Variants in LAMA1 observed in about 807,000 individuals in gnomAD.
The protein encoded by LAMA1 is laminin subunit alpha 1, also known as laminin subunit alpha-1.
Under a neutral mutation model 348.7 loss-of-function variants are expected in LAMA1, and 219 were observed. That is an observed-to-expected ratio of 0.63 (90% CI 0.56 to 0.70). The LOEUF (loss-of-function observed/expected upper bound fraction) is 0.70. LAMA1 is among the 30% of genes least tolerant of loss of function. LAMA1 has a pLI of 0.00. For synonymous variants in LAMA1, 1,487 were observed against 1,491.0 expected (o/e 1.00, Z 0.06); for missense variants, 3,744 against 3,888.0 (o/e 0.96, Z 0.99).
intron 35 of LAMA1, 150 bp downstream of exon 35, chr18:6,993,491 G>C: frequency 1.4e-6 from 1 of 702,718 alleles, no homozygotes; most frequent in Non-Finnish European, 2.6e-6. Context: ...ACTAAAGTTT[G>C]CACATCTCAG....
chr18:6,948,291 T>G, intron 60 of LAMA1, 112 bp downstream of exon 60: 1 of 1,391,950 alleles, frequency 7.2e-7, no homozygotes, highest in Non-Finnish European at 1.0e-6. Flanking sequence ...AAACTCAATG[T>G]GGTTTTCCTG....
At chr18:7,064,998 G>C (rs1361189737) in intron 3 of LAMA1, among the ~76,000 whole-genome samples, 1 of 152,072 alleles carries the variant, frequency 6.6e-6, no homozygotes, top group African/African-American at 2.4e-5. Context: ...CACTTTGGGA[G>C]GGGGGCAGGT....
intron 12 of LAMA1, among the ~76,000 whole-genome samples, chr18:7,037,260 GA>G (rs2057999339): frequency 1.3e-5 from 2 of 152,134 alleles, no homozygotes; most frequent in African/African-American, 4.8e-5. Flanking sequence ...AACAAAGCGG[GA>G]ATGTGAGGAA....
At chr18:6,952,979 C>A (rs1162167145) in intron 57 of LAMA1, among the ~76,000 whole-genome samples, 5 of 117,104 alleles carry the variant, frequency 4.3e-5, no homozygotes. Flanking sequence ...CTGTGTCCGG[C>A]GGATCCACGC....
rs771669690 is a variant in LAMA1 at position 6,992,544 on chromosome 18, A to G, written c.5168+17T>C. The G allele has an allele frequency of 2.5e-6, 4 of 1,613,846 alleles. No homozygotes were observed. The highest frequency in any genetic ancestry group is 3.4e-6 in the Non-Finnish European group (4 of 1,179,706). ...CTCTCTACTTGGTTGCATTGCACAC[A>G]GTAATTAGAAACTTACTTGAGTTCA... On this transcript the variant is annotated intron_variant, in intron 36 of 62. Coordinates refer to ENST00000389658, the MANE Select transcript of LAMA1 (RefSeq NM_005559.4).
At chr18:6,954,378 G>C (rs1332433018) in intron 57 of LAMA1, 1 of 152,518 alleles carries the variant, frequency 6.6e-6, no homozygotes, top group African/African-American at 2.4e-5. Flanking sequence ...CTATCTGGGG[G>C]ATGAATTGTG....
chr18:7,094,260 T>C (rs1348201679), intron 1 of LAMA1, among the ~76,000 whole-genome samples: 1 of 151,262 alleles, frequency 6.6e-6, no homozygotes, highest in Non-Finnish European at 1.5e-5. Context: ...CTGTCTCTAT[T>C]AAAAATACAA....
Position 6,978,444 on chromosome 18 carries a change from C to CA in LAMA1, c.6008-67dup, listed in dbSNP as rs1318333517. 2.2e-6 allele frequency: 3 copies of CA among 1,383,148 alleles called. No individual in the cohort carries two copies. In the African/African-American group the frequency reaches 4.3e-5, roughly 20 times the overall value. The allele number at this position is 1,383,148 out of a possible 1,614,324, so 85.7% of individuals were successfully genotyped here. A position where few individuals can be genotyped will look rare whatever the true frequency, so the allele number is the denominator to read the frequency against. On this transcript the variant is annotated intron_variant, in intron 42 of 62. Transcript: ENST00000389658. ...ACACACAGAGAAAAGAATAAAACGA[C>CA]AACAAATGTAATTTCGCACAGAAAT...
At chr18:6,955,713 A>AGG (rs2057573365) in intron 56 of LAMA1, 2 of 589,836 alleles carry the variant, frequency 3.4e-6, no homozygotes, top group African/African-American at 3.7e-5. Context: ...TGAAATTCAT[A>AGG]AGGACACTGA....
Position 6,985,548 on chromosome 18 carries a change from A to T in LAMA1, c.5475T>A (p.Asp1825Glu). ...TTACCTCTAGAGCATCTTGTACAGC[A>T]TCTGTTTGTGCAGCAGCAGCATCTA... is the stretch of plus-strand genomic sequence containing the variant. ...GLIDAAAAQT[D>E]AVQDALEHLE... The change falls in exon 38 of 63, where the codon GAT becomes GAA. Residue 1825 changes from aspartate (D) to glutamate (E), a missense_variant. Asp to Glu is a conservative substitution (Grantham distance 45). Transcript: ENST00000389658. The T allele has an allele frequency of 1.2e-6, 2 of 1,614,094 alleles. No homozygotes were observed. The highest frequency in any genetic ancestry group is 1.7e-6 in the Non-Finnish European group (2 of 1,179,964).
In LAMA1 at chr18:6,950,985, G is replaced by T; in HGVS notation, c.8208-14C>A. On this transcript the variant is annotated splice_polypyrimidine_tract_variant and intron_variant, in intron 57 of 62. Coordinates refer to ENST00000389658, the MANE Select transcript of LAMA1 (RefSeq NM_005559.4). ...TCAACCGAGAGCCTGGGGAAAACAA[G>T]TGCTCAGCGTTGAGAAAGGAAACTT... 6.2e-7 allele frequency: 1 copy of T among 1,612,080 alleles called. No individual in the cohort carries two copies.
intron 19 of LAMA1, among the ~76,000 whole-genome samples, chr18:7,019,674 C>CTT (rs35235323): frequency 0.016 from 1,496 of 94,484 alleles, 4 homozygotes; most frequent in East Asian, 0.02. Flanking sequence ...TATGGTAATT[C>CTT]TTTTTTTTTT....
At chr18:7,028,557 G>A (rs997517088) in intron 16 of LAMA1, among the ~76,000 whole-genome samples, 4 of 152,204 alleles carry the variant, frequency 2.6e-5, no homozygotes, top group Non-Finnish European at 5.9e-5. Context: ...AGATAAAGGA[G>A]AGTTAAGAGA....
Position 7,034,525 on chromosome 18 carries a change from GAT to G in LAMA1, c.2003_2004del (p.His668ProfsTer28), listed in dbSNP as rs774369589. On this transcript the variant is annotated frameshift_variant, in exon 14 of 63. Coordinates refer to ENST00000389658, the MANE Select transcript of LAMA1 (RefSeq NM_005559.4). LOFTEE classifies it high-confidence loss of function. ...GAATTGTAGTTGGCTCTGATCAAAAGATGTGTCACATTGGCAAGGACAGTCAT... is the reference window on the plus strand; with the variant it reads ...GAATTGTAGTTGGCTCTGATCAAAAGGTGTCACATTGGCAAGGACAGTCAT... Reference protein sequence around the residue: ...QLMTVLANVTHLLIRANYNSA... With the variant: ...QLMTVLANVTXLLIRANYNSA... The G allele has an allele frequency of 6.2e-6, 10 of 1,614,012 alleles. No individual in the cohort carries two copies. Among genetic ancestry groups the G allele is most frequent in the Non-Finnish European group, 8.5e-6 (10 of 1,180,048 alleles).
At chr18:7,047,658 C>T (rs2058047354) in intron 5 of LAMA1, among the ~76,000 whole-genome samples, 1 of 151,946 alleles carries the variant, frequency 6.6e-6, no homozygotes, top group Admixed American at 6.6e-5. Context: ...GCTACAGTAA[C>T]CAAGAAAGCT....
chr18:7,059,761 C>T (rs11873706), intron 3 of LAMA1, among the ~76,000 whole-genome samples: 127 of 152,272 alleles, frequency 8.3e-4, no homozygotes, highest in African/African-American at 2.9e-3. Flanking sequence ...CCTGCCTCCA[C>T]GGTGGTAACT....
chr18:7,027,574 G>GA (rs370079888), intron 16 of LAMA1, among the ~76,000 whole-genome samples: 269 of 143,990 alleles, frequency 1.9e-3, no homozygotes, highest in African/African-American at 6.2e-3. Context: ...ACAATCAGGG[G>GA]AAAAAAAAAA....
At position 6,948,483 on chromosome 18, in the gene LAMA1, ACCGGGCTGTCCTT is replaced by A. The variant is rs1568002607; in HGVS notation, c.8617_8629del (p.Lys2873CysfsTer6). Reference sequence around the variant, plus strand: ...GCACCTGTTCACCGTGAAGGCAGACACCGGGCTGTCCTTGTCCAGCTGTTTGCTGTTAACCGTC... The same window carrying A: ...GCACCTGTTCACCGTGAAGGCAGACAGTCCAGCTGTTTGCTGTTAACCGTC... On this transcript the variant is annotated frameshift_variant, in exon 60 of 63. Transcript: ENST00000389658. LOFTEE classifies it high-confidence loss of function. 10 of 1,614,210 alleles carry A rather than the reference ACCGGGCTGTCCTT, an allele frequency of 6.2e-6. No individual in the cohort carries two copies. Among genetic ancestry groups the A allele is most frequent in the Non-Finnish European group, 7.6e-6 (9 of 1,180,046 alleles).
chr18:6,979,805 A>AG (rs1158647190), intron 42 of LAMA1, among the ~76,000 whole-genome samples: 2 of 152,132 alleles, frequency 1.3e-5, no homozygotes, highest in East Asian at 3.9e-4. Context: ...AGGCTGAGGC[A>AG]GGAGAATGGT....
Sources: gnomAD v4.1 joint callset for allele counts (sites outside exome capture counted in the v4.1 genomes callset) on GRCh38, gnomAD v4.1.1 for gene constraint, MANE v1.5 for transcripts, NCBI Gene and HGNC (gene_info 2026-07-23, HGNC 2026-07-21) for gene names.